Variants in ZIM2 observed in about 807,000 individuals in gnomAD.
ZIM2 encodes zinc finger protein 656.
In ZIM2, 14 loss-of-function variants were observed where a neutral mutation model predicts 38.6. That is an observed-to-expected ratio of 0.36 (90% confidence interval 0.24 to 0.57). The LOEUF is 0.57. Ranked by LOEUF, ZIM2 falls within the 20% of genes least tolerant of loss-of-function variation. The pLI is 0.81. For synonymous variants in ZIM2, 247 were observed against 245.8 expected (o/e 1.00, Z -0.04); for missense variants, 680 against 695.1 (o/e 0.98, Z 0.24).
chr19:56,802,035 C>T lies in ZIM2; in HGVS notation c.491-12084G>A, dbSNP rs535527255. Reference sequence around the variant, plus strand: ...GGGACTAGGACCAAACCAACATGCCCTCTATAAGGGGGAGGATCACTGGAA... The same window carrying T: ...GGGACTAGGACCAAACCAACATGCCTTCTATAAGGGGGAGGATCACTGGAA... On this transcript the variant is annotated intron_variant, in intron 9 of 12. Transcript: ENST00000629319. Among the ~76,000 whole-genome samples the T allele has an allele frequency of 4.6e-5, 7 of 152,284 alleles. No individual in the cohort carries two copies. The East Asian group carries it at 9.7e-4, about 21-fold the overall frequency.
chr19:56,838,635 GC>G (rs1162388925), intron 1 of ZIM2, among the ~76,000 whole-genome samples: 1 of 152,208 alleles, frequency 6.6e-6, no homozygotes, highest in Non-Finnish European at 1.5e-5. Flanking sequence ...CACAGCGAGC[GC>G]GGTGATAACC....
intron 10 of ZIM2, 43 bp downstream of exon 10, chr19:56,789,829 A>T: frequency 1.4e-6 from 2 of 1,454,458 alleles, no homozygotes. Context: ...GGAAGATAAG[A>T]TCCCCATATT....
At chr19:56,790,039 T>C (rs1600747512) in intron 9 of ZIM2, 88 bp from the exon 10 acceptor site, 1 of 1,117,836 alleles carries the variant, frequency 8.9e-7, no homozygotes, top group Admixed American at 3.0e-5. Context: ...TGCCACCCTG[T>C]CCTGCCATGG....
chr19:56,807,790 C>CAAAA (rs34097958), intron 9 of ZIM2, among the ~76,000 whole-genome samples: 1 of 138,906 alleles, frequency 7.2e-6, no homozygotes, highest in Non-Finnish European at 1.6e-5. Flanking sequence ...GACCTTGTCT[C>CAAAA]AAAAAAAAAA....
At chr19:56,838,330 G>A (rs1380541119) in intron 1 of ZIM2, among the ~76,000 whole-genome samples, 2 of 152,198 alleles carry the variant, frequency 1.3e-5, no homozygotes, top group Non-Finnish European at 2.9e-5. Flanking sequence ...TGTCACTCAA[G>A]ATGGCGCCTG....
At chr19:56,816,614 G>T in intron 9 of ZIM2, 1 of 1,613,846 alleles carries the variant, frequency 6.2e-7, no homozygotes, top group Non-Finnish European at 8.5e-7. Context: ...GCTGGGCTGG[G>T]CCTAAAGGTT....
intron 11 of ZIM2, among the ~76,000 whole-genome samples, chr19:56,780,095 C>T (rs1050869561): frequency 6.6e-6 from 1 of 152,102 alleles, no homozygotes; most frequent in Non-Finnish European, 1.5e-5. Flanking sequence ...CTATACCAGG[C>T]CTTGTATGTC....
chr19:56,825,275 G>C (rs1422646015), intron 3 of ZIM2, among the ~76,000 whole-genome samples: 2 of 152,134 alleles, frequency 1.3e-5, no homozygotes, highest in Non-Finnish European at 2.9e-5. Flanking sequence ...GTAAAAAATG[G>C]AAGACCATTC....
chr19:56,835,973 A>T (rs749343969), intron 2 of ZIM2, 45 bp downstream of exon 2: 10 of 498,538 alleles, frequency 2.0e-5, no homozygotes, highest in African/African-American at 1.7e-4. Flanking sequence ...TGCGGTGGTC[A>T]CTCCAAAGAT....
At chr19:56,816,346 T>C (rs764449273) in intron 9 of ZIM2, 2 of 1,614,054 alleles carry the variant, frequency 1.2e-6, no homozygotes, top group Admixed American at 3.3e-5. Context: ...CTCACTGAGC[T>C]CTGAGCTTTG....
At chr19:56,779,508 G>A (rs963887555) in intron 11 of ZIM2, 36 bp from the exon 12 acceptor site, 4 of 1,601,514 alleles carry the variant, frequency 2.5e-6, no homozygotes, top group Non-Finnish European at 3.4e-6. Flanking sequence ...CAGGGTTTCA[G>A]TAACTCCCAA....
chr19:56,812,391 A>G (rs1417407909), intron 9 of ZIM2: 2 of 984,916 alleles, frequency 2.0e-6, no homozygotes, highest in African/African-American at 3.5e-5. Context: ...ACCTGAGTCC[A>G]TGTTAAGCTT....
chr19:56,817,389 G>A (rs752575355), intron 9 of ZIM2: 3 of 1,613,846 alleles, frequency 1.9e-6, no homozygotes, highest in Non-Finnish European at 1.7e-6. Context: ...TCAATGAAAT[G>A]TCCTTCCAGT....
intron 10 of ZIM2, among the ~76,000 whole-genome samples, chr19:56,786,076 C>A (rs2145886719): frequency 6.6e-6 from 1 of 152,234 alleles, no homozygotes; most frequent in Admixed American, 6.5e-5. Context: ...CCTAGGCAAC[C>A]ACTAACATAC....
rs1189364100 is a variant in ZIM2, at chr19:56,775,334, C to T, written c.1031G>A (p.Gly344Glu). The T allele has an allele frequency of 1.2e-6, 2 of 1,614,036 alleles. No individual in the cohort carries two copies. The highest frequency in any genetic ancestry group is 2.7e-5 in the African/African-American group (2 of 74,916). ...GKDPQEGTAP[G>E]ICTSPQSASQ... ...TGCTGACTGGGGACTCGTACATATT[C>T]CAGGAGCAGTGCCTTCCTGGGGATC... Residue 344 changes from glycine (G) to glutamate (E), a missense_variant, in exon 13 of 13, where the codon GGA (glycine) becomes GAA (glutamate). Physicochemically the swap from Gly to Glu is moderately conservative, Grantham distance 98 (BLOSUM62 -2). Coordinates refer to ENST00000629319, the MANE Select transcript of ZIM2 (RefSeq NM_001387356.1).
chr19:56,814,139 C>G lies in ZIM2; in HGVS notation c.490+3607G>C, dbSNP rs1411781661. 1.2e-6 allele frequency: 2 copies of G among 1,614,210 alleles called. No homozygotes were observed. The highest frequency in any genetic ancestry group is 2.2e-5 in the South Asian group (2 of 91,084). On this transcript the variant is annotated intron_variant, in intron 9 of 12. Transcript: ENST00000629319. The surrounding 1 kb of genome is among the most constrained non-coding windows in gnomAD (Gnocchi z 5.8). The stretch of plus-strand genomic sequence containing the variant: ...GCCTCTCCATTTGGCTGTCCAGCCT[C>G]TCCAATGGGCTCTGCAGCCTCTCCA...
In ZIM2 at chr19:56,817,804, G is replaced by A. The variant is rs2060119205; in HGVS notation, c.432C>T (p.His144=). The change falls in exon 9 of 13, where the codon CAC becomes CAT. Residue 144 remains histidine (H), a synonymous_variant. Transcript: ENST00000629319. ...VQLAEDDGHS[H]MTQGHSSRSK... is the part of the protein sequence containing the mutation. ...ATCTTGATGAGTGGCCCTGCGTCATGTGGGAGTGGCCATCGTCTTCAGCAA... is the reference window on the plus strand; with the variant it reads ...ATCTTGATGAGTGGCCCTGCGTCATATGGGAGTGGCCATCGTCTTCAGCAA... The A allele has an allele frequency of 1.2e-6, 2 of 1,614,046 alleles. No individual in the cohort carries two copies. Among genetic ancestry groups the A allele is most frequent in the Non-Finnish European group, 1.7e-6 (2 of 1,180,034 alleles).
chr19:56,834,498 T>C (rs1440198451), intron 2 of ZIM2, among the ~76,000 whole-genome samples: 1 of 152,232 alleles, frequency 6.6e-6, no homozygotes, highest in African/African-American at 2.4e-5. Flanking sequence ...TACACACTGC[T>C]GAGTACTTGG....
chr19:56,777,329 C>T (rs1298719467), intron 12 of ZIM2, among the ~76,000 whole-genome samples: 1 of 152,224 alleles, frequency 6.6e-6, no homozygotes, highest in Non-Finnish European at 1.5e-5. Flanking sequence ...TCCTCACTGG[C>T]TCTTCTGTTT....
Sources: gnomAD v4.1 joint callset for allele counts (sites outside exome capture counted in the v4.1 genomes callset) on GRCh38, gnomAD v4.1.1 for gene constraint, Gnocchi (gnomAD v3.1) non-coding constraint, MANE v1.5 for transcripts, NCBI Gene and HGNC (gene_info 2026-07-23, HGNC 2026-07-21) for gene names.